The following SAP30BP variants were observed in gnomAD, a reference collection of about 807,000 sequenced individuals.
The protein encoded by SAP30BP is SAP30 binding protein, also known as SAP30-binding protein.
Under a neutral mutation model 46.3 loss-of-function variants are expected in SAP30BP, and 31 were observed. That is an observed-to-expected ratio of 0.67 (90% CI 0.50 to 0.90). SAP30BP has a LOEUF of 0.90. SAP30BP is among the 40% of genes least tolerant of loss of function. The pLI, the probability that SAP30BP is intolerant of heterozygous loss-of-function variation, is 0.00. For missense variants in SAP30BP, 312 were observed against 391.0 expected, an observed-to-expected ratio of 0.80 and a Z score of 1.70; for synonymous variants, 169 against 144.2, an observed-to-expected ratio of 1.17 and a Z score of -1.23.
intron 3 of SAP30BP, among the ~76,000 whole-genome samples, chr17:75,678,591 T>A (rs1026986406): frequency 2.0e-5 from 3 of 152,094 alleles, no homozygotes; most frequent in Non-Finnish European, 4.4e-5. Context: ...TTCAGTAGCA[T>A]TGGCTGAACT....
chr17:75,678,100 A>G (rs2148381237), intron 3 of SAP30BP, among the ~76,000 whole-genome samples: 1 of 152,198 alleles, frequency 6.6e-6, no homozygotes, highest in East Asian at 1.9e-4. Flanking sequence ...GAGGAGTTCA[A>G]GCTCTGGAAT....
At chr17:75,668,307 C>G (rs2059838547) in intron 1 of SAP30BP, 3 of 506,338 alleles carry the variant, frequency 5.9e-6, no homozygotes, top group South Asian at 3.2e-5. Flanking sequence ...GTTTTGTTCC[C>G]TGACCTTTTA....
At chr17:75,677,380 G>A (rs1275248999) in intron 3 of SAP30BP, among the ~76,000 whole-genome samples, 1 of 150,470 alleles carries the variant, frequency 6.6e-6, no homozygotes, top group African/African-American at 2.4e-5. Flanking sequence ...TGGGATTACA[G>A]ATGTGAGCCA....
intron 3 of SAP30BP, among the ~76,000 whole-genome samples, chr17:75,686,314 G>A (rs1427767869): frequency 1.3e-5 from 2 of 152,148 alleles, no homozygotes; most frequent in African/African-American, 2.4e-5. Context: ...TCAGGAGATC[G>A]AGACCATCCT....
chr17:75,677,106 C>CT (rs35919373), intron 3 of SAP30BP, among the ~76,000 whole-genome samples: 49,546 of 113,588 alleles, frequency 0.44, 12,154 homozygotes, highest in Non-Finnish European at 0.56. Context: ...TGGCAGAAAA[C>CT]TTTTTTTTTT....
chr17:75,671,396 A>G (rs1282902529), intron 2 of SAP30BP, among the ~76,000 whole-genome samples: 2 of 152,234 alleles, frequency 1.3e-5, no homozygotes. Context: ...ACATGTGTAT[A>G]TGAAAAGGAA....
At chr17:75,699,571 C>T (rs564755262) in intron 4 of SAP30BP, among the ~76,000 whole-genome samples, 1 of 151,718 alleles carries the variant, frequency 6.6e-6, no homozygotes, top group Admixed American at 6.6e-5. Flanking sequence ...CTGAACTTTT[C>T]TTCTCCCAAG....
intron 1 of SAP30BP, chr17:75,667,930 GA>G (rs2059826281): frequency 6.0e-6 from 1 of 165,850 alleles, no homozygotes; most frequent in African/African-American, 2.4e-5. Context: ...CAAAGTGAGA[GA>G]ACCTAATTCG....
Position 75,675,437 on chromosome 17 carries a change from C to T in SAP30BP, c.264+3574C>T, listed in dbSNP as rs142821709. On this transcript the variant is annotated intron_variant, in intron 3 of 10. Coordinates refer to ENST00000584667, the MANE Select transcript of SAP30BP (RefSeq NM_013260.8). ...GTGCTGGGATTACAGGTGTGAGCCA[C>T]CTCGCCCGGCCTCTACTATGGTTTT... 3.8e-3 allele frequency among the ~76,000 whole-genome samples: 585 copies of T among 152,274 alleles called. 5 individuals are homozygous for T. Among genetic ancestry groups the T allele is most frequent in the Non-Finnish European group, 6.3e-3 (427 of 68,026 alleles).
At chr17:75,680,132 C>T (rs1313997961) in intron 3 of SAP30BP, among the ~76,000 whole-genome samples, 2 of 152,050 alleles carry the variant, frequency 1.3e-5, no homozygotes, top group African/African-American at 4.8e-5. Context: ...GGACTGGGAT[C>T]GCCGGCCTCC....
At chr17:75,690,148 A>G (rs1206457356) in intron 3 of SAP30BP, among the ~76,000 whole-genome samples, 1 of 152,178 alleles carries the variant, frequency 6.6e-6, no homozygotes, top group Non-Finnish European at 1.5e-5. Flanking sequence ...TATAAAATAA[A>G]TCGTTCATCA....
chr17:75,678,902 C>T (rs1291226081), intron 3 of SAP30BP, among the ~76,000 whole-genome samples: 1 of 151,954 alleles, frequency 6.6e-6, no homozygotes, highest in African/African-American at 2.4e-5. Flanking sequence ...CTTCATATAA[C>T]GAAGGACCTT....
At chr17:75,698,382 C>T (rs1482328244) in intron 4 of SAP30BP, among the ~76,000 whole-genome samples, 3 of 152,230 alleles carry the variant, frequency 2.0e-5, no homozygotes, top group Non-Finnish European at 4.4e-5. Flanking sequence ...TACTTTGGGA[C>T]CCAAAACTTA....
chr17:75,702,423 G>A (rs887752273), intron 5 of SAP30BP, 57 bp from the exon 6 acceptor site: 45 of 705,466 alleles, frequency 6.4e-5, no homozygotes, highest in Middle Eastern at 2.9e-4. Flanking sequence ...GGGCTGGGAC[G>A]GTGGAGGGGT....
intron 3 of SAP30BP, among the ~76,000 whole-genome samples, chr17:75,685,261 A>G (rs1372900168): frequency 6.6e-6 from 1 of 152,098 alleles, no homozygotes; most frequent in Non-Finnish European, 1.5e-5. Context: ...AAATTATATG[A>G]TACAGAGGAC....
chr17:75,681,935 T>G (rs950617154), intron 3 of SAP30BP, among the ~76,000 whole-genome samples: 6 of 152,148 alleles, frequency 3.9e-5, no homozygotes, highest in African/African-American at 1.4e-4. Context: ...ACAGGTTGTT[T>G]GTGTGCCTTT....
At chr17:75,686,432 C>A (rs1047322134) in intron 3 of SAP30BP, among the ~76,000 whole-genome samples, 4 of 151,874 alleles carry the variant, frequency 2.6e-5, no homozygotes, top group African/African-American at 9.7e-5. Context: ...AGGAGAATGG[C>A]GTGAACCCTG....
chr17:75,673,220 A>C (rs904511497), intron 3 of SAP30BP, among the ~76,000 whole-genome samples: 1 of 152,076 alleles, frequency 6.6e-6, no homozygotes, highest in Non-Finnish European at 1.5e-5. Context: ...AGCATGCAGG[A>C]GGGAAAAAAA....
At chr17:75,669,735 G>C (rs1238525853) in intron 2 of SAP30BP, among the ~76,000 whole-genome samples, 1 of 152,046 alleles carries the variant, frequency 6.6e-6, no homozygotes, top group Non-Finnish European at 1.5e-5. Context: ...TTTTTATAAT[G>C]GTGCCCTTAG....
Sources: gnomAD v4.1 joint callset for allele counts (sites outside exome capture counted in the v4.1 genomes callset) on GRCh38, gnomAD v4.1.1 for gene constraint, MANE v1.5 for transcripts, NCBI Gene and HGNC (gene_info 2026-07-23, HGNC 2026-07-21) for gene names.